GALNT14: variants seen among roughly 807,000 people sequenced by gnomAD.
The protein encoded by GALNT14 is UDP-GalNAc:polypeptide N-acetylgalactosaminyltransferase 14.
Under a neutral mutation model 77.5 loss-of-function variants are expected in GALNT14, and 60 were observed. That is an observed-to-expected ratio of 0.77 (90% CI 0.63 to 0.96). GALNT14 has a LOEUF of 0.96. Ranked by LOEUF, GALNT14 falls within the 40% of genes least tolerant of loss-of-function variation. The pLI is 0.00. For missense variants in GALNT14, 710 were observed against 731.0 expected, an observed-to-expected ratio of 0.97 and a Z score of 0.33; for synonymous variants, 280 against 281.7, an observed-to-expected ratio of 0.99 and a Z score of 0.06.
chr2:31,096,499 CAG>C (rs563089454), intron 1 of GALNT14, among the ~76,000 whole-genome samples: 77 of 152,270 alleles, frequency 5.1e-4, no homozygotes, highest in Admixed American at 1.2e-3. Flanking sequence ...GAGGATAAAA[CAG>C]AGTCATTAAA....
At chr2:31,075,648 C>T (rs916661319) in intron 1 of GALNT14, among the ~76,000 whole-genome samples, 4 of 152,208 alleles carry the variant, frequency 2.6e-5, no homozygotes, top group Non-Finnish European at 5.9e-5. Context: ...GGGACCACTG[C>T]TCCTCCGTGC....
chr2:31,107,222 G>A (rs575621340), intron 1 of GALNT14, among the ~76,000 whole-genome samples: 78 of 152,158 alleles, frequency 5.1e-4, no homozygotes, highest in Non-Finnish European at 6.9e-4. Context: ...CAGGAGGTAC[G>A]TTTCTTCAGT....
chr2:30,910,923 T>TA lies in GALNT14; in HGVS notation c.1636_1637insT (p.His546LeufsTer83). On this transcript the variant is annotated frameshift_variant, in exon 15 of 15. Coordinates refer to ENST00000349752, the MANE Select transcript of GALNT14 (RefSeq NM_024572.4). LOFTEE classifies it high-confidence loss of function. ...TCCTCAAGAGCTCACCATGTCCCAG[T>TA]GCTGGCTCATGAGTGAGGACTCACA... The TA allele has an allele frequency of 1.2e-6, 2 of 1,613,966 alleles. No homozygotes were observed. Among genetic ancestry groups the TA allele is most frequent in the Non-Finnish European group, 1.7e-6 (2 of 1,179,992 alleles).
the GALNT14 span, among the ~76,000 whole-genome samples, chr2:30,905,432 G>A: frequency 3.3e-5 from 5 of 152,040 alleles, no homozygotes; most frequent in East Asian, 3.9e-4. Flanking sequence ...CTCAGGAGCC[G>A]ATGCGATCAA....
intron 1 of GALNT14, among the ~76,000 whole-genome samples, chr2:31,086,357 C>T (rs1676429303): frequency 6.6e-6 from 1 of 152,234 alleles, no homozygotes; most frequent in South Asian, 2.1e-4. Context: ...TGCCTGGTCT[C>T]AGCCATGCTC....
chr2:30,942,068 C>T (rs1666407126), intron 9 of GALNT14, 133 bp downstream of exon 9: 1 of 590,146 alleles, frequency 1.7e-6, no homozygotes, highest in Admixed American at 3.2e-5. Context: ...AACTCACCAT[C>T]TCCCAGGACC....
At chr2:31,035,061 G>A (rs1315041644) in intron 1 of GALNT14, among the ~76,000 whole-genome samples, 2 of 152,198 alleles carry the variant, frequency 1.3e-5, no homozygotes, top group Admixed American at 1.3e-4. Context: ...AGAAGATATA[G>A]TCTGCTCTTA....
chr2:30,997,949 C>G (rs1373936381), intron 1 of GALNT14, among the ~76,000 whole-genome samples: 1 of 152,194 alleles, frequency 6.6e-6, no homozygotes, highest in Non-Finnish European at 1.5e-5. Context: ...CCCCCAGCCT[C>G]TGGTAACCAC....
chr2:30,956,243 C>T (rs1667362261), intron 4 of GALNT14, among the ~76,000 whole-genome samples: 1 of 152,228 alleles, frequency 6.6e-6, no homozygotes, highest in African/African-American at 2.4e-5. Context: ...CACCTGTATA[C>T]TTGCTTGAAA....
At chr2:30,950,376 C>T (rs1666956415) in intron 6 of GALNT14, among the ~76,000 whole-genome samples, 1 of 152,068 alleles carries the variant, frequency 6.6e-6, no homozygotes. Context: ...TGGAAAACAC[C>T]AGCTGAGGAC....
chr2:31,100,315 T>TG (rs1677202960), intron 1 of GALNT14, among the ~76,000 whole-genome samples: 1 of 152,080 alleles, frequency 6.6e-6, no homozygotes, highest in Non-Finnish European at 1.5e-5. Context: ...TGCTTAAAGT[T>TG]GCAGTTTCCA....
rs971063339 is a variant in GALNT14, at chr2:31,073,438, C to T, written c.129+64520G>A. On this transcript the variant is annotated intron_variant, in intron 1 of 14. Transcript: ENST00000349752. Reference sequence around the variant, plus strand: ...TAGTGGAAGAGATGGACATATCAGTCGATAAATAATCTCTACTATGACAAA... The same window carrying T: ...TAGTGGAAGAGATGGACATATCAGTTGATAAATAATCTCTACTATGACAAA... 6.0e-5 allele frequency among the ~76,000 whole-genome samples: 9 copies of T among 149,780 alleles called. No individual in the cohort carries two copies. In the South Asian group the frequency reaches 1.1e-3, roughly 18 times the overall value.
chr2:31,137,069 C>T, intron 1 of GALNT14, among the ~76,000 whole-genome samples: 1 of 152,172 alleles, frequency 6.6e-6, no homozygotes, highest in East Asian at 1.9e-4. Flanking sequence ...TTCCGTGTCC[C>T]CGGGCCAAAT....
chr2:31,125,265 A>G (rs1330268948), intron 1 of GALNT14: 3 of 1,544,004 alleles, frequency 1.9e-6, no homozygotes, highest in Non-Finnish European at 2.6e-6. Flanking sequence ...TGAAAATGCC[A>G]CAAGAAAGAA....
At chr2:31,060,588 G>A (rs1179952905) in intron 1 of GALNT14, among the ~76,000 whole-genome samples, 1 of 152,168 alleles carries the variant, frequency 6.6e-6, no homozygotes, top group Non-Finnish European at 1.5e-5. Flanking sequence ...TGTAATAGCA[G>A]CTCCTCAGAA....
At chr2:30,998,869 T>C (rs1039469879) in intron 1 of GALNT14, among the ~76,000 whole-genome samples, 1 of 152,236 alleles carries the variant, frequency 6.6e-6, no homozygotes, top group Non-Finnish European at 1.5e-5. Context: ...TCACTATCTG[T>C]GCATTTCCTG....
chr2:30,901,173 C>T, the GALNT14 span, among the ~76,000 whole-genome samples: 1 of 152,104 alleles, frequency 6.6e-6, no homozygotes, highest in East Asian at 1.9e-4. Flanking sequence ...CCTCCACAAG[C>T]GGGGCACCTG....
At chr2:31,107,569 G>A (rs992301867) in intron 1 of GALNT14, among the ~76,000 whole-genome samples, 4 of 152,204 alleles carry the variant, frequency 2.6e-5, no homozygotes, top group Admixed American at 2.6e-4. Context: ...AGGAAGAGCA[G>A]AAGAGGTTGT....
the GALNT14 span, among the ~76,000 whole-genome samples, chr2:30,892,552 C>T: frequency 2.6e-5 from 4 of 152,130 alleles, no homozygotes; most frequent in Non-Finnish European, 5.9e-5. Flanking sequence ...GCACTGACTG[C>T]CCTTTGTCTG....
Sources: gnomAD v4.1 joint callset for allele counts (sites outside exome capture counted in the v4.1 genomes callset) on GRCh38, gnomAD v4.1.1 for gene constraint, MANE v1.5 for transcripts, NCBI Gene and HGNC (gene_info 2026-07-23, HGNC 2026-07-21) for gene names.